INPP5F: variants seen among roughly 807,000 people sequenced by gnomAD.
INPP5F encodes inositol polyphosphate-5-phosphatase F.
INPP5F carries 97 observed loss-of-function variants against 137.2 expected under a neutral mutation model. The observed-to-expected ratio is 0.71, with a 90% CI of 0.60 to 0.84. INPP5F has a LOEUF of 0.84. Among genes scored for constraint, INPP5F ranks in the 40% least tolerant of loss-of-function variants. The probability of loss-of-function intolerance (pLI) is 0.00; values close to 1 mark genes in which losing one functional copy is unlikely to be tolerated. For missense variants in INPP5F, 1,271 were observed against 1,371.9 expected, an observed-to-expected ratio of 0.93 and a Z score of 1.16; for synonymous variants, 504 against 476.9, an observed-to-expected ratio of 1.06 and a Z score of -0.74.
chr10:119,811,341 G>A (rs1851020386), intron 14 of INPP5F, among the ~76,000 whole-genome samples: 1 of 152,204 alleles, frequency 6.6e-6, no homozygotes, highest in African/African-American at 2.4e-5. Flanking sequence ...TAGGGAATGG[G>A]ATTATAATGA....
Position 119,781,655 on chromosome 10 carries a change from C to G in INPP5F, c.199C>G (p.Leu67Val). The change falls in exon 3 of 20, where the codon CTA (leucine) becomes GTA (valine). Residue 67 changes from leucine (L) to valine (V), a missense_variant. This residue lies in a region of INPP5F where 109 missense variants were observed against 105.1 expected (regional missense o/e 1.04). Coordinates refer to ENST00000650623, the MANE Select transcript of INPP5F (RefSeq NM_014937.4). ...TTCAGATCTTCCATGGTGGCTTATT[C>G]TAATTCGGCAGAAAGCATTGGTGGG... ...LHSDLPWWLILIRQKALVGKL... is the reference protein window; with the variant it reads ...LHSDLPWWLIVIRQKALVGKL... 1 of 1,610,878 alleles carries G rather than the reference C, an allele frequency of 6.2e-7. No homozygotes were observed. Among genetic ancestry groups the G allele is most frequent in the Non-Finnish European group, 8.5e-7 (1 of 1,178,066 alleles).
At chr10:119,819,348 G>T in intron 15 of INPP5F, 2 of 1,189,146 alleles carry the variant, frequency 1.7e-6, no homozygotes, top group Non-Finnish European at 2.1e-6. Flanking sequence ...TGCCTGTTAC[G>T]TGCCAAGTGC....
chr10:119,819,803 T>G (rs1446682139), intron 15 of INPP5F: 1 of 312,224 alleles, frequency 3.2e-6, no homozygotes, highest in Non-Finnish European at 5.8e-6. Context: ...ACGAGGTGTC[T>G]CTGATGTAAA....
At chr10:119,809,640 T>G (rs1432600906) in intron 13 of INPP5F, among the ~76,000 whole-genome samples, 1 of 152,204 alleles carries the variant, frequency 6.6e-6, no homozygotes, top group Non-Finnish European at 1.5e-5. Context: ...AAACTCCTGC[T>G]TTTCCTCCCT....
chr10:119,797,321 T>G (rs976628133), intron 7 of INPP5F, 140 bp from the exon 8 acceptor site: 2 of 670,176 alleles, frequency 3.0e-6, no homozygotes, highest in Non-Finnish European at 5.0e-6. Flanking sequence ...TTGGGTAAGT[T>G]GATACTGTTC....
chr10:119,785,575 A>AGAGAGAGAGG (rs1435677238), intron 3 of INPP5F, among the ~76,000 whole-genome samples: 28 of 150,450 alleles, frequency 1.9e-4, no homozygotes, highest in Non-Finnish European at 3.4e-4. Flanking sequence ...AGAGAGAGAG[A>AGAGAGAGAGG]GAGACTGAGA....
At chr10:119,794,700 AC>A (rs1430014292) in intron 6 of INPP5F, among the ~76,000 whole-genome samples, 1 of 126,278 alleles carries the variant, frequency 7.9e-6, no homozygotes. Context: ...CGGGGGGCTG[AC>A]CCCCCACCTC....
At chr10:119,758,862 A>G (rs1848924339) in intron 2 of INPP5F, among the ~76,000 whole-genome samples, 1 of 152,202 alleles carries the variant, frequency 6.6e-6, no homozygotes. Context: ...TAAGATGGTA[A>G]AGTGTGTTAT....
In INPP5F at chr10:119,819,371, A is replaced by G. The variant is rs1851453287; in HGVS notation, c.1887-1475A>G. 4 of 1,363,952 alleles carry G rather than the reference A, an allele frequency of 2.9e-6. No individual in the cohort carries two copies. The South Asian group carries it at 5.7e-5, about 19-fold the overall frequency. The allele number at this position is 1,363,952 out of a possible 1,614,324, so 84.5% of individuals were successfully genotyped here. A position where few individuals can be genotyped will look rare whatever the true frequency, so the allele number is the denominator to read the frequency against. On this transcript the variant is annotated intron_variant, in intron 15 of 19. Coordinates refer to ENST00000650623, the MANE Select transcript of INPP5F (RefSeq NM_014937.4). ...ACGTGCCAAGTGCTTTTTGTTAAGG[A>G]CATAATGTTTTTGACTGGGGATCAT... is the stretch of plus-strand genomic sequence containing the variant.
At chr10:119,798,705 TA>T (rs1410793202) in intron 9 of INPP5F, 95 bp downstream of exon 9, 9 of 730,136 alleles carry the variant, frequency 1.2e-5, no homozygotes, top group Non-Finnish European at 2.0e-5. Context: ...TATTCAAAAT[TA>T]AAGCATTTGT....
intron 7 of INPP5F, 101 bp downstream of exon 7, chr10:119,797,014 C>G: frequency 8.5e-7 from 1 of 1,175,280 alleles, no homozygotes; most frequent in South Asian, 1.3e-5. Context: ...TTTGGGAACA[C>G]AGTTGGCTTC....
At chr10:119,812,430 A>G (rs1448913309) in intron 15 of INPP5F, among the ~76,000 whole-genome samples, 1 of 151,050 alleles carries the variant, frequency 6.6e-6, no homozygotes, top group Non-Finnish European at 1.5e-5. Context: ...TCAAAATATC[A>G]ATGAATAGTG....
At chr10:119,799,127 A>C (rs746457877) in intron 9 of INPP5F, among the ~76,000 whole-genome samples, 1 of 152,152 alleles carries the variant, frequency 6.6e-6, no homozygotes, top group Non-Finnish European at 1.5e-5. Flanking sequence ...ATATTCACTC[A>C]CATATAAGAA....
rs1419211272 is a variant in INPP5F at position 119,806,420 on chromosome 10, C to T, written c.1380C>T (p.Asp460=). 4 of 1,609,720 alleles carry T rather than the reference C, an allele frequency of 2.5e-6. No homozygotes were observed. Among genetic ancestry groups the T allele is most frequent in the Non-Finnish European group, 3.4e-6 (4 of 1,178,006 alleles). The part of the protein sequence containing the change: ...QEGIFRVNCM[D]CLDRTNVVQA... ...GGATTTTTCGTGTTAATTGTATGGA[C>T]TGCCTGGATCGCACCAACGTGGTCC... Residue 460 remains aspartate (D), a synonymous_variant, in exon 12 of 20, where the codon GAC becomes GAT. Transcript: ENST00000650623.
chr10:119,784,396 CTTA>C (rs1202056505), intron 3 of INPP5F, among the ~76,000 whole-genome samples: 5 of 152,118 alleles, frequency 3.3e-5, no homozygotes, highest in African/African-American at 1.2e-4. Context: ...TCCCTCTAGT[CTTA>C]TTATTTTTTT....
intron 2 of INPP5F, among the ~76,000 whole-genome samples, chr10:119,761,023 T>C (rs951432794): frequency 2.0e-5 from 3 of 152,356 alleles, no homozygotes; most frequent in South Asian, 4.1e-4. Context: ...TACTTAATAA[T>C]TTAGACTTTT....
chr10:119,734,367 A>G (rs1487550285), intron 1 of INPP5F, among the ~76,000 whole-genome samples: 1 of 152,246 alleles, frequency 6.6e-6, no homozygotes, highest in Non-Finnish European at 1.5e-5. Context: ...TGGGTGATGC[A>G]TTATGAATGC....
intron 3 of INPP5F, among the ~76,000 whole-genome samples, chr10:119,784,203 G>GT (rs1201229710): frequency 6.6e-6 from 1 of 151,980 alleles, no homozygotes; most frequent in Non-Finnish European, 1.5e-5. Flanking sequence ...TTTTTAAATT[G>GT]TTTTTTGGTT....
intron 6 of INPP5F, among the ~76,000 whole-genome samples, 156 bp downstream of exon 6, chr10:119,792,369 A>T (rs1047973537): frequency 3.3e-5 from 5 of 152,210 alleles, no homozygotes; most frequent in Non-Finnish European, 5.9e-5. Context: ...GGAATCATTT[A>T]GCCAGGAAAA....
Sources: allele counts gnomAD v4.1 joint callset (sites outside exome capture counted in the v4.1 genomes callset), GRCh38; gene constraint gnomAD v4.1.1; regional missense constraint gnomAD v4.1.1; transcripts MANE v1.5; gene names NCBI Gene and HGNC (gene_info 2026-07-23, HGNC 2026-07-21).